Variants in DIAPH2 observed in about 807,000 individuals in gnomAD.
DIAPH2 encodes diaphanous related formin 2.
A neutral mutation model predicts 92.7 loss-of-function variants in DIAPH2; 35 were observed. That is an observed-to-expected ratio of 0.38 (90% confidence interval 0.29 to 0.50). The LOEUF (loss-of-function observed/expected upper bound fraction) is 0.50, where lower values mean the gene tolerates loss of function less well. DIAPH2 is among the 20% of genes least tolerant of loss of function. The pLI is 0.94. For missense variants in DIAPH2, 701 were observed against 819.5 expected, an observed-to-expected ratio of 0.86 and a Z score of 1.77; for synonymous variants, 301 against 280.4, an observed-to-expected ratio of 1.07 and a Z score of -0.73.
intron 4 of DIAPH2, among the ~76,000 whole-genome samples, chrX:96,787,707 T>TA (rs1556161581): frequency 3.2e-4 from 30 of 94,185 alleles, no homozygotes; most frequent in Middle Eastern, 5.6e-3. Flanking sequence ...TTTTTTTTTT[T>TA]TGAGACAGAG....
chrX:97,399,831 A>G (rs2069737816), intron 25 of DIAPH2, among the ~76,000 whole-genome samples: 2 of 112,516 alleles, frequency 1.8e-5, no homozygotes, highest in South Asian at 3.7e-4. Flanking sequence ...ATCTTTTGGA[A>G]ATGTAATGCC....
rs905652607 is a variant in DIAPH2 at position 97,601,190 on chromosome X, G to A, written c.*1873G>A. On this transcript the variant is annotated 3_prime_UTR_variant, in exon 27 of 27. Transcript: ENST00000324765. Reference sequence around the variant, plus strand: ...TCTTTTCTGAAATCTTCGTGGTATGGCTTTTTTAATTCTTTTGACAGCTTA... The same window carrying A: ...TCTTTTCTGAAATCTTCGTGGTATGACTTTTTTAATTCTTTTGACAGCTTA... The A allele has an allele frequency of 9.0e-6, 1 of 111,719 alleles. No homozygotes were observed. Among genetic ancestry groups the A allele is most frequent in the Non-Finnish European group, 1.9e-5 (1 of 53,014 alleles). 9.2% of individuals were successfully genotyped at this position (111,719 alleles called of 1,213,427 possible).
chrX:97,147,520 T>C (rs1027291053), intron 22 of DIAPH2, among the ~76,000 whole-genome samples: 5 of 111,328 alleles, frequency 4.5e-5, no homozygotes, highest in African/African-American at 1.6e-4. Context: ...TAAGGATTTT[T>C]TACTGTTTGA....
intron 17 of DIAPH2, among the ~76,000 whole-genome samples, chrX:97,066,341 A>G (rs1449507816): frequency 1.8e-5 from 2 of 112,419 alleles, no homozygotes; most frequent in African/African-American, 3.2e-5. Context: ...TTTTGTTACA[A>G]TTGCCTACAA....
chrX:97,006,228 G>A (rs1216484666), intron 17 of DIAPH2, among the ~76,000 whole-genome samples: 1 of 111,671 alleles, frequency 9.0e-6, no homozygotes, highest in African/African-American at 3.3e-5. Flanking sequence ...TGATCCATAT[G>A]CTGAGGAAGA....
intron 10 of DIAPH2, among the ~76,000 whole-genome samples, chrX:96,931,782 G>C (rs1472174441): frequency 1.8e-5 from 2 of 110,952 alleles, no homozygotes; most frequent in Non-Finnish European, 3.8e-5. Flanking sequence ...ACTGAAACTA[G>C]TTGAAACCCA....
chrX:96,728,617 A>G (rs182774457), intron 1 of DIAPH2, among the ~76,000 whole-genome samples: 154 of 112,292 alleles, frequency 1.4e-3, no homozygotes, highest in African/African-American at 4.6e-3. Flanking sequence ...GTGCTTGATT[A>G]AGGTTTGGTT....
At chrX:96,783,463 A>T (rs995158560) in intron 4 of DIAPH2, among the ~76,000 whole-genome samples, 1 of 112,410 alleles carries the variant, frequency 8.9e-6, no homozygotes, top group African/African-American at 3.2e-5. Context: ...TCACTGGCAG[A>T]TGCAAACTAG....
chrX:96,962,486 CACACACACACATATAT>C (rs1383992740), intron 16 of DIAPH2, among the ~76,000 whole-genome samples: 1 of 22,759 alleles, frequency 4.4e-5, no homozygotes, highest in African/African-American at 1.4e-4. Context: ...TATACACACA[CACACACACACATATAT>C]ATATATATAT....
intron 26 of DIAPH2, among the ~76,000 whole-genome samples, chrX:97,534,331 T>G (rs916973777): frequency 9.0e-6 from 1 of 110,981 alleles, no homozygotes; most frequent in African/African-American, 3.3e-5. Context: ...TAAATTTTTC[T>G]ACATGGTTTT....
chrX:97,054,887 A>T (rs1261507257), intron 17 of DIAPH2, among the ~76,000 whole-genome samples: 1 of 111,236 alleles, frequency 9.0e-6, no homozygotes, highest in Admixed American at 9.5e-5. Flanking sequence ...GCAAAACAAA[A>T]CAAAAATCGG....
intron 17 of DIAPH2, among the ~76,000 whole-genome samples, chrX:96,972,442 G>C (rs1361620757): frequency 9.0e-6 from 1 of 111,662 alleles, no homozygotes. Flanking sequence ...TTTAAAAACA[G>C]ATTATTTCTG....
At chrX:96,978,779 C>T (rs1230175478) in intron 17 of DIAPH2, among the ~76,000 whole-genome samples, 3 of 111,091 alleles carry the variant, frequency 2.7e-5, no homozygotes, top group Non-Finnish European at 5.7e-5. Context: ...GCTCAGTCCT[C>T]TGTTTCAAAG....
At chrX:96,703,308 AATCTT>A (rs1161946475) in intron 1 of DIAPH2, among the ~76,000 whole-genome samples, 1 of 112,151 alleles carries the variant, frequency 8.9e-6, no homozygotes, top group African/African-American at 3.2e-5. Flanking sequence ...TGAAGTCTAA[AATCTT>A]ATGTCCAAAC....
intron 17 of DIAPH2, among the ~76,000 whole-genome samples, chrX:97,003,860 T>C (rs1241331109): frequency 8.9e-6 from 1 of 111,970 alleles, no homozygotes; most frequent in Non-Finnish European, 1.9e-5. Flanking sequence ...TTTAGGATAT[T>C]ACTCAAGAAA....
intron 23 of DIAPH2, among the ~76,000 whole-genome samples, chrX:97,294,753 A>C (rs1602486207): frequency 8.9e-6 from 1 of 111,847 alleles, no homozygotes; most frequent in Non-Finnish European, 1.9e-5. Flanking sequence ...ATTGCGAGTA[A>C]TTTTTATAAT....
chrX:97,346,591 C>T (rs1342095596), intron 23 of DIAPH2, among the ~76,000 whole-genome samples: 3 of 111,885 alleles, frequency 2.7e-5, no homozygotes, highest in Non-Finnish European at 5.6e-5. Flanking sequence ...TTTTATGTGA[C>T]ACAGGAGCCC....
chrX:97,253,292 A>AT (rs1336585948), intron 23 of DIAPH2, among the ~76,000 whole-genome samples: 9 of 101,516 alleles, frequency 8.9e-5, no homozygotes, highest in South Asian at 4.7e-4. Flanking sequence ...ACTCCGTAAA[A>AT]AAAAATAAAA....
chrX:96,864,848 G>A (rs1162283419), intron 4 of DIAPH2, among the ~76,000 whole-genome samples: 1 of 111,870 alleles, frequency 8.9e-6, no homozygotes, highest in Non-Finnish European at 1.9e-5. Flanking sequence ...ACATCCATTT[G>A]TCATTGTGTA....
Sources: allele counts gnomAD v4.1 joint callset (sites outside exome capture counted in the v4.1 genomes callset), GRCh38; gene constraint gnomAD v4.1.1; transcripts MANE v1.5; gene names NCBI Gene and HGNC (gene_info 2026-07-23, HGNC 2026-07-21).